Variants in DRC9 observed in about 807,000 individuals in gnomAD.
DRC9 encodes dynein regulatory complex protein 9.
chr3:197,932,335 T>G, the DRC9 span: 1 of 1,590,864 alleles, frequency 6.3e-7, no homozygotes, highest in East Asian at 2.3e-5. Flanking sequence ...AAAAAATGAG[T>G]TAATAAATTC....
At chr3:197,925,971 T>G in the DRC9 span, 1 of 916,242 alleles carries the variant, frequency 1.1e-6, no homozygotes, top group Non-Finnish European at 1.8e-6. Context: ...CTTCCATATA[T>G]TTAATAGCTG....
chr3:197,889,812 G>A, the DRC9 span: 12 of 1,386,094 alleles, frequency 8.7e-6, no homozygotes, highest in Non-Finnish European at 1.2e-5. Context: ...ACTTCTGTCT[G>A]ACAAACAGTC....
chr3:197,895,049 C>A, the DRC9 span, among the ~76,000 whole-genome samples: 1 of 151,850 alleles, frequency 6.6e-6, no homozygotes, highest in South Asian at 2.1e-4. Flanking sequence ...GGAATGAAAC[C>A]CAGTCTCTTA....
At chr3:197,953,340 T>C in the DRC9 span, 1 of 430,804 alleles carries the variant, frequency 2.3e-6, no homozygotes, top group Non-Finnish European at 4.7e-6. Flanking sequence ...TGGGCCACTG[T>C]ACTGCAGCCT....
the DRC9 span, among the ~76,000 whole-genome samples, chr3:197,900,766 G>A: frequency 6.6e-6 from 1 of 152,082 alleles, no homozygotes; most frequent in Non-Finnish European, 1.5e-5. This position sits in a 1 kb window ranked among gnomAD's most constrained non-coding sequence, Gnocchi z 4.7. Flanking sequence ...CAGCAGAATA[G>A]GGCTCTGGGC....
chr3:197,932,558 C>A, the DRC9 span, among the ~76,000 whole-genome samples: 6 of 151,646 alleles, frequency 4.0e-5, no homozygotes, highest in East Asian at 1.2e-3. Context: ...TTGCTGGAAC[C>A]CGGGAGGTGG....
At chr3:197,938,139 A>T in the DRC9 span, among the ~76,000 whole-genome samples, 16 of 152,066 alleles carry the variant, frequency 1.1e-4, no homozygotes, top group African/African-American at 2.9e-4. Context: ...AACATGGTGA[A>T]ACCCGTTGTC....
At chr3:197,942,282 G>A in the DRC9 span, among the ~76,000 whole-genome samples, 1 of 150,982 alleles carries the variant, frequency 6.6e-6, no homozygotes, top group East Asian at 1.9e-4. Context: ...TGCTCGGGAG[G>A]CTGAGGCAGG....
the DRC9 span, among the ~76,000 whole-genome samples, chr3:197,900,709 C>G: frequency 1.3e-5 from 2 of 152,054 alleles, no homozygotes. This position sits in a 1 kb window ranked among gnomAD's most constrained non-coding sequence, Gnocchi z 4.7. Flanking sequence ...GATACCAGCT[C>G]AGCCGCAGTA....
At chr3:197,895,974 C>CAAAAAAAA in the DRC9 span, among the ~76,000 whole-genome samples, 453 of 58,916 alleles carry the variant, frequency 7.7e-3, 7 homozygotes, top group African/African-American at 0.027. Flanking sequence ...GACCCTGTCT[C>CAAAAAAAA]AAAAAAAAAA....
chr3:197,901,030 T>C, the DRC9 span, among the ~76,000 whole-genome samples: 11 of 152,142 alleles, frequency 7.2e-5, no homozygotes, highest in Non-Finnish European at 1.2e-4. The surrounding 1 kb of genome is among the most constrained non-coding windows in gnomAD (Gnocchi z 4.4). Flanking sequence ...AGACTCCTGC[T>C]TGAGAAAAGC....
the DRC9 span, among the ~76,000 whole-genome samples, chr3:197,929,933 A>G: frequency 6.6e-6 from 1 of 152,096 alleles, no homozygotes; most frequent in Non-Finnish European, 1.5e-5. The surrounding 1 kb of genome is among the most constrained non-coding windows in gnomAD (Gnocchi z 4.6). Context: ...CTCTGTCTCA[A>G]AAACAAAACA....
At chr3:197,931,655 T>C in the DRC9 span, among the ~76,000 whole-genome samples, 1 of 152,024 alleles carries the variant, frequency 6.6e-6, no homozygotes, top group Non-Finnish European at 1.5e-5. Context: ...TCGCCCAGGC[T>C]GGAGTGCAGT....
chr3:197,892,344 C>T, the DRC9 span, among the ~76,000 whole-genome samples: 1 of 152,200 alleles, frequency 6.6e-6, no homozygotes, highest in Admixed American at 6.5e-5. Context: ...GTGGGTAGCA[C>T]CTTGGACAGA....
At chr3:197,898,322 G>A in the DRC9 span, among the ~76,000 whole-genome samples, 1 of 152,166 alleles carries the variant, frequency 6.6e-6, no homozygotes, top group Admixed American at 6.5e-5. Context: ...ATCAGATCCT[G>A]TAAATTACAG....
the DRC9 span, chr3:197,914,071 T>C: frequency 6.3e-7 from 1 of 1,588,064 alleles, no homozygotes; most frequent in Non-Finnish European, 8.6e-7. Context: ...GTTTCTAAAT[T>C]GAAAATACAT....
chr3:197,922,874 G>T, the DRC9 span, among the ~76,000 whole-genome samples: 1 of 151,966 alleles, frequency 6.6e-6, no homozygotes, highest in African/African-American at 2.4e-5. Context: ...TCAGGGAAAA[G>T]AGTTAGGAAA....
At chr3:197,950,864 CTTAAACGAGA>C in the DRC9 span, 1 of 1,439,660 alleles carries the variant, frequency 6.9e-7, no homozygotes, top group South Asian at 1.2e-5. Flanking sequence ...GCTTTAGGGG[CTTAAACGAGA>C]GGGGACGAGG....
chr3:197,924,452 T>C, the DRC9 span, among the ~76,000 whole-genome samples: 1 of 152,242 alleles, frequency 6.6e-6, no homozygotes. Context: ...GAAAATTCCC[T>C]TCTGTGAAGC....
Sources: allele counts gnomAD v4.1 joint callset (sites outside exome capture counted in the v4.1 genomes callset), GRCh38; gene constraint gnomAD v4.1.1; non-coding constraint Gnocchi (gnomAD v3.1); transcripts MANE v1.5; gene names NCBI Gene and HGNC (gene_info 2026-07-23, HGNC 2026-07-21).